TMEM135: variants seen among roughly 807,000 people sequenced by gnomAD.
TMEM135 encodes peroxisomal membrane protein 52.
A neutral mutation model predicts 60.3 loss-of-function variants in TMEM135; 30 were observed. The ratio of observed to expected loss-of-function variants is 0.50; its 90% confidence interval spans 0.37 to 0.68. The LOEUF is 0.68. Ranked by LOEUF, TMEM135 falls within the 30% of genes least tolerant of loss-of-function variation. The pLI, the probability that TMEM135 is intolerant of heterozygous loss-of-function variation, is 0.00. For missense variants in TMEM135, 468 were observed against 548.8 expected, an observed-to-expected ratio of 0.85 and a Z score of 1.47; for synonymous variants, 190 against 186.7, an observed-to-expected ratio of 1.02 and a Z score of -0.14.
At chr11:87,128,799 A>G (rs1302305538) in intron 4 of TMEM135, among the ~76,000 whole-genome samples, 3 of 152,220 alleles carry the variant, frequency 2.0e-5, no homozygotes, top group Non-Finnish European at 4.4e-5. Context: ...AACCAGCAAG[A>G]ATATTTAGAG....
chr11:87,236,786 C>G, intron 6 of TMEM135, 102 bp downstream of exon 6: 1 of 1,175,926 alleles, frequency 8.5e-7, no homozygotes, highest in Non-Finnish European at 1.3e-6. Context: ...TTATCCCTTA[C>G]AAGCAGCATA....
At chr11:87,177,172 G>C (rs182858146) in intron 5 of TMEM135, among the ~76,000 whole-genome samples, 1 of 152,188 alleles carries the variant, frequency 6.6e-6, no homozygotes. Context: ...CTTTACCATT[G>C]CCTCGCCCTT....
chr11:87,292,201 C>T (rs1265157598), intron 6 of TMEM135, among the ~76,000 whole-genome samples: 2 of 152,196 alleles, frequency 1.3e-5, no homozygotes, highest in African/African-American at 2.4e-5. Flanking sequence ...AGCCTGACTA[C>T]GTCACTGTTT....
intron 3 of TMEM135, among the ~76,000 whole-genome samples, chr11:87,074,497 A>T (rs1490202564): frequency 6.6e-6 from 1 of 152,240 alleles, no homozygotes; most frequent in Non-Finnish European, 1.5e-5. Context: ...GATGCTTTAA[A>T]TCAAGGTAGC....
rs1414339847 is a variant in TMEM135, at chr11:87,326,583, C to A, written c.*5250C>A. Reference sequence around the variant, plus strand: ...GGAATGGGAGAGAAGAGACTATAAACATATTTTAAGCCTTATCTCTTTTCT... The same window carrying A: ...GGAATGGGAGAGAAGAGACTATAAAAATATTTTAAGCCTTATCTCTTTTCT... On this transcript the variant is annotated 3_prime_UTR_variant, in exon 15 of 15. Transcript: ENST00000305494. The A allele has an allele frequency of 2.2e-6, 1 of 454,082 alleles. No individual in the cohort carries two copies. Among genetic ancestry groups the A allele is most frequent in the South Asian group, 1.6e-5 (1 of 64,476 alleles). 28.1% of individuals were successfully genotyped at this position (454,082 alleles called of 1,614,324 possible). A position where few individuals can be genotyped will look rare whatever the true frequency, so the allele number is the denominator to read the frequency against.
At chr11:87,197,646 G>A (rs986136039) in intron 5 of TMEM135, among the ~76,000 whole-genome samples, 24 of 143,552 alleles carry the variant, frequency 1.7e-4, no homozygotes, top group African/African-American at 6.1e-4. Flanking sequence ...GGTTTTATGT[G>A]TAGCTTAGCA....
intron 12 of TMEM135, among the ~76,000 whole-genome samples, chr11:87,316,373 C>T (rs1291111514): frequency 1.3e-5 from 2 of 151,322 alleles, no homozygotes; most frequent in Non-Finnish European, 1.5e-5. Flanking sequence ...AGGAGCCAGA[C>T]CATCATGTAG....
At chr11:87,071,500 A>G (rs748880760) in intron 2 of TMEM135, 23 bp from the exon 3 acceptor site, 2 of 1,598,010 alleles carry the variant, frequency 1.3e-6, no homozygotes, top group Non-Finnish European at 1.7e-6. Flanking sequence ...ATTTCATACA[A>G]AAATTCCAAA....
intron 6 of TMEM135, among the ~76,000 whole-genome samples, chr11:87,285,394 G>A (rs905967284): frequency 6.6e-6 from 1 of 152,114 alleles, no homozygotes; most frequent in Admixed American, 6.5e-5. Flanking sequence ...TCTTAAAGAT[G>A]GTGTGTCTGG....
In TMEM135 at chr11:87,318,148, C is replaced by A; in HGVS notation, c.1089C>A (p.Phe363Leu). ...LASKLVETMY[F>L]KGIEAGKVPY... The stretch of plus-strand genomic sequence containing the variant: ...TGCTTGTTTTGCAGACAATGTATTT[C>A]AAAGGCATTGAAGCAGGGAAGGTTC... The change falls in exon 13 of 15, where the codon TTC becomes TTA. Residue 363 changes from phenylalanine to leucine, a missense_variant. Coordinates refer to ENST00000305494, the MANE Select transcript of TMEM135 (RefSeq NM_022918.4). 6.2e-7 allele frequency: 1 copy of A among 1,612,084 alleles called. No homozygotes were observed. The highest frequency in any genetic ancestry group is 1.1e-5 in the South Asian group (1 of 91,052).
In TMEM135 at chr11:87,059,563, G is replaced by A. The variant is rs567694753; in HGVS notation, c.142-8131G>A. Among the ~76,000 whole-genome samples, 3 of 152,156 alleles carry A rather than the reference G, an allele frequency of 2.0e-5. No individual in the cohort carries two copies. The East Asian group carries it at 5.8e-4, about 30-fold the overall frequency. On this transcript the variant is annotated intron_variant, in intron 1 of 14. Transcript: ENST00000305494. Reference sequence around the variant, plus strand: ...ACTCCTGACCTGTAGTGATCCACTCGCCTCAGCCTCCCAAAGTTCTGGGAT... The same window carrying A: ...ACTCCTGACCTGTAGTGATCCACTCACCTCAGCCTCCCAAAGTTCTGGGAT...
At chr11:87,302,208 G>T in intron 7 of TMEM135, 88 bp from the exon 8 acceptor site, 1 of 1,338,690 alleles carries the variant, frequency 7.5e-7, no homozygotes, top group South Asian at 1.3e-5. Flanking sequence ...ACTTGCCAAA[G>T]CGTATTTGTT....
intron 6 of TMEM135, among the ~76,000 whole-genome samples, chr11:87,286,544 G>A (rs1056182784): frequency 6.6e-6 from 1 of 152,230 alleles, no homozygotes; most frequent in East Asian, 1.9e-4. Context: ...TTAGGCGGTC[G>A]ATGGGACCGG....
At chr11:87,250,186 A>T (rs1485758769) in intron 6 of TMEM135, among the ~76,000 whole-genome samples, 1 of 151,980 alleles carries the variant, frequency 6.6e-6, no homozygotes, top group Non-Finnish European at 1.5e-5. Context: ...TCTCTGATGT[A>T]TTTGTGCATT....
chr11:87,197,267 A>C (rs905784429), intron 5 of TMEM135, among the ~76,000 whole-genome samples: 2 of 152,112 alleles, frequency 1.3e-5, no homozygotes, highest in African/African-American at 4.8e-5. Flanking sequence ...CAGAAGGTGC[A>C]ATAGCTGGAC....
Position 87,326,884 on chromosome 11 carries a change from A to G in TMEM135, c.*5551A>G. 4.4e-6 allele frequency: 2 copies of G among 449,992 alleles called. No homozygotes were observed. The highest frequency in any genetic ancestry group is 7.0e-4 in the Middle Eastern group (1 of 1,420). The allele number at this position is 449,992 out of a possible 1,614,324, so 27.9% of individuals were successfully genotyped here. ...GCAGGATAAATAAATCTATGAAACT[A>G]GAGGCATCATTGAATCATCTGAGGA... On this transcript the variant is annotated 3_prime_UTR_variant, in exon 15 of 15. Coordinates refer to ENST00000305494, the MANE Select transcript of TMEM135 (RefSeq NM_022918.4).
At chr11:87,200,901 T>G (rs964005046) in intron 5 of TMEM135, among the ~76,000 whole-genome samples, 3 of 152,190 alleles carry the variant, frequency 2.0e-5, no homozygotes, top group Non-Finnish European at 4.4e-5. Flanking sequence ...CTTCTTTCAC[T>G]TTAATATGTA....
In TMEM135 at chr11:87,160,770, C is replaced by T. The variant is rs941023217; in HGVS notation, c.462+3364C>T. 2.6e-5 allele frequency among the ~76,000 whole-genome samples: 4 copies of T among 152,232 alleles called. No homozygotes were observed. In the South Asian group the frequency reaches 8.3e-4, roughly 32 times the overall value. The stretch of plus-strand genomic sequence containing the variant: ...GCTTAAAATGAATAGGAAAAAAATA[C>T]CCTTCACAAATCTATTACCTCATTA... On this transcript the variant is annotated intron_variant, in intron 5 of 14. Transcript: ENST00000305494.
chr11:87,234,115 G>A (rs1472593896), intron 5 of TMEM135, among the ~76,000 whole-genome samples: 1 of 151,818 alleles, frequency 6.6e-6, no homozygotes, highest in Non-Finnish European at 1.5e-5. Context: ...TCCTTCCAGG[G>A]GCTCTATGCA....
Sources: allele counts gnomAD v4.1 joint callset (sites outside exome capture counted in the v4.1 genomes callset), GRCh38; gene constraint gnomAD v4.1.1; transcripts MANE v1.5; gene names NCBI Gene and HGNC (gene_info 2026-07-23, HGNC 2026-07-21).